Variants in ADAMTS6 observed in about 807,000 individuals in gnomAD.
ADAMTS6 encodes the protein A disintegrin and metalloproteinase with thrombospondin motifs 6.
ADAMTS6 carries 23 observed loss-of-function variants against 144.3 expected under a neutral mutation model. The observed-to-expected ratio is 0.16, with a 90% confidence interval of 0.11 to 0.23. The LOEUF (loss-of-function observed/expected upper bound fraction) is 0.23, where lower values mean the gene tolerates loss of function less well. Among genes scored for constraint, ADAMTS6 ranks in the 10% least tolerant of loss-of-function variants. ADAMTS6 has a pLI of 1.00. For synonymous variants in ADAMTS6, 444 were observed against 457.5 expected (o/e 0.97, Z 0.38); for missense variants, 999 against 1,379.6 (o/e 0.72, Z 4.37).
At chr5:65,427,948 G>A (rs1580685698) in intron 7 of ADAMTS6, among the ~76,000 whole-genome samples, 1 of 151,846 alleles carries the variant, frequency 6.6e-6, no homozygotes, top group Admixed American at 6.5e-5. Flanking sequence ...AATAAAGAAG[G>A]CCAGGCACGG....
At chr5:65,458,341 C>T (rs146469147) in intron 4 of ADAMTS6, among the ~76,000 whole-genome samples, 36 of 152,256 alleles carry the variant, frequency 2.4e-4, no homozygotes, top group African/African-American at 8.2e-4. Flanking sequence ...AGGAAGAAAA[C>T]AAGCCTATGA....
At chr5:65,237,188 G>GT (rs1758734308) in intron 15 of ADAMTS6, among the ~76,000 whole-genome samples, 1 of 151,942 alleles carries the variant, frequency 6.6e-6, no homozygotes, top group Admixed American at 6.6e-5. Context: ...GAGCTTAGGA[G>GT]TTTGAGAACA....
At chr5:65,245,549 C>T (rs1759553813) in intron 14 of ADAMTS6, among the ~76,000 whole-genome samples, 1 of 152,110 alleles carries the variant, frequency 6.6e-6, no homozygotes, top group Non-Finnish European at 1.5e-5. Flanking sequence ...ATTAAATTCC[C>T]TCTATTTTAA....
At chr5:65,256,375 C>G (rs1029354568) in intron 14 of ADAMTS6, 2 of 152,172 alleles carry the variant, frequency 1.3e-5, no homozygotes, top group South Asian at 2.1e-4. Context: ...AAAGCAAGCC[C>G]CAGCTTAAAC....
At chr5:65,196,833 G>T (rs1226577723) in intron 21 of ADAMTS6, among the ~76,000 whole-genome samples, 189 bp downstream of exon 21, 1 of 152,100 alleles carries the variant, frequency 6.6e-6, no homozygotes, top group Non-Finnish European at 1.5e-5. Context: ...GTTAATGACT[G>T]AAATCTATGG....
At chr5:65,256,184 CTT>C (rs563311347) in intron 14 of ADAMTS6, among the ~76,000 whole-genome samples, 243 of 152,316 alleles carry the variant, frequency 1.6e-3, no homozygotes, top group African/African-American at 5.7e-3. Flanking sequence ...ACTAATTAAA[CTT>C]AGAATTTCTG....
intron 9 of ADAMTS6, among the ~76,000 whole-genome samples, chr5:65,304,604 T>A (rs1455082387): frequency 6.6e-6 from 1 of 152,126 alleles, no homozygotes; most frequent in Non-Finnish European, 1.5e-5. Context: ...GGAAAATTTT[T>A]AAATTTTCAT....
intron 7 of ADAMTS6, among the ~76,000 whole-genome samples, chr5:65,359,173 A>C (rs1362816244): frequency 1.3e-5 from 2 of 152,138 alleles, no homozygotes; most frequent in Non-Finnish European, 2.9e-5. Flanking sequence ...CAAACAATTC[A>C]ATAGCAAGAA....
chr5:65,351,350 G>A (rs1748826397), intron 7 of ADAMTS6, among the ~76,000 whole-genome samples: 2 of 152,146 alleles, frequency 1.3e-5, no homozygotes, highest in South Asian at 4.1e-4. Context: ...ACAGCATAAA[G>A]TATAAATAAC....
intron 7 of ADAMTS6, among the ~76,000 whole-genome samples, chr5:65,353,047 T>G (rs747985211): frequency 6.6e-6 from 1 of 152,032 alleles, no homozygotes; most frequent in East Asian, 1.9e-4. Context: ...GATCTTTATA[T>G]GAATGAATGA....
At chr5:65,394,462 T>G (rs1753178606) in intron 7 of ADAMTS6, among the ~76,000 whole-genome samples, 2 of 152,162 alleles carry the variant, frequency 1.3e-5, no homozygotes, top group South Asian at 4.1e-4. Flanking sequence ...TAAAAATGAT[T>G]GCTGTTGTGT....
intron 22 of ADAMTS6, among the ~76,000 whole-genome samples, chr5:65,182,272 C>A (rs567875720): frequency 1.3e-5 from 2 of 151,924 alleles, no homozygotes; most frequent in Admixed American, 6.6e-5. Context: ...CATAGCAAAA[C>A]CCTGTCTCTA....
rs554636732 is a variant in ADAMTS6, at chr5:65,392,346, T to C, written c.1074-58261A>G. Among the ~76,000 whole-genome samples the C allele has an allele frequency of 9.2e-4, 140 of 152,270 alleles. 1 individual carries two copies. The South Asian group carries it at 0.027, about 30-fold the overall frequency. ...TCAAAATCCTCCCCCAAATTTAGCA[T>C]CCATACATGATCCTTGCCTAATACA... On this transcript the variant is annotated intron_variant, in intron 7 of 24. Transcript: ENST00000381055.
At chr5:65,354,301 C>T (rs375306871) in intron 7 of ADAMTS6, among the ~76,000 whole-genome samples, 13 of 151,810 alleles carry the variant, frequency 8.6e-5, no homozygotes, top group African/African-American at 2.9e-4. Context: ...GTTCTACTTA[C>T]AGAATTATCT....
intron 18 of ADAMTS6, among the ~76,000 whole-genome samples, chr5:65,217,399 T>C (rs968003490): frequency 2.0e-5 from 3 of 151,676 alleles, no homozygotes; most frequent in African/African-American, 7.3e-5. Context: ...AACTACTAAA[T>C]GAAGGAATTC....
intron 9 of ADAMTS6, among the ~76,000 whole-genome samples, chr5:65,328,364 G>A (rs1346015160): frequency 2.6e-5 from 4 of 151,992 alleles, no homozygotes; most frequent in Non-Finnish European, 5.9e-5. Flanking sequence ...AAAAAAAGCA[G>A]AATATAAAAC....
chr5:65,239,467 A>G (rs1161485280), intron 15 of ADAMTS6, among the ~76,000 whole-genome samples: 3 of 152,194 alleles, frequency 2.0e-5, no homozygotes, highest in African/African-American at 4.8e-5. Flanking sequence ...GGAAGAAAAC[A>G]TATGAAAATA....
At chr5:65,230,259 T>A (rs1758045874) in intron 15 of ADAMTS6, among the ~76,000 whole-genome samples, 1 of 137,698 alleles carries the variant, frequency 7.3e-6, no homozygotes, top group African/African-American at 2.7e-5. Context: ...ATAAGCCTCA[T>A]GGTAATCACA....
intron 24 of ADAMTS6, among the ~76,000 whole-genome samples, chr5:65,153,493 T>TA (rs2111946840): frequency 6.6e-6 from 1 of 152,336 alleles, no homozygotes; most frequent in East Asian, 1.9e-4. Flanking sequence ...CGTGTATCCT[T>TA]ACGAACGTCA....
Sources: allele counts gnomAD v4.1 joint callset (sites outside exome capture counted in the v4.1 genomes callset), GRCh38; gene constraint gnomAD v4.1.1; transcripts MANE v1.5; gene names NCBI Gene and HGNC (gene_info 2026-07-23, HGNC 2026-07-21).